The following CEP350 variants were observed in gnomAD, a reference collection of about 807,000 sequenced individuals.
CEP350 encodes centrosome-associated protein 350.
In CEP350, 126 loss-of-function variants were observed where a neutral mutation model predicts 331.8. The observed-to-expected ratio is 0.38, with a 90% CI of 0.33 to 0.44. CEP350 has a LOEUF of 0.44. CEP350 is among the 20% of genes least tolerant of loss of function. The pLI, the probability that CEP350 is intolerant of heterozygous loss-of-function variation, is 1.00. For synonymous variants in CEP350, 1,200 were observed against 1,259.5 expected, an observed-to-expected ratio of 0.95 and a Z score of 1.00; for missense variants, 3,406 against 3,634.6, an observed-to-expected ratio of 0.94 and a Z score of 1.62.
rs570377261 is a variant in CEP350, at chr1:180,051,735, G to A, written c.4793-1235G>A. ...GCATAACAACATTGAAGGGGTTGGG[G>A]GAAAGAGCTGATCTAAGTAAGTAAC... On this transcript the variant is annotated intron_variant, in intron 22 of 37. Transcript: ENST00000367607. Among the ~76,000 whole-genome samples, 45 of 152,276 alleles carry A rather than the reference G, an allele frequency of 3.0e-4. No individual in the cohort carries two copies. The South Asian group carries it at 8.7e-3, about 30-fold the overall frequency.
intron 37 of CEP350, among the ~76,000 whole-genome samples, chr1:180,102,771 A>T (rs1373586722): frequency 6.6e-6 from 1 of 152,116 alleles, no homozygotes; most frequent in Non-Finnish European, 1.5e-5. Flanking sequence ...TTCAGCTCTT[A>T]CTTTTGAGTT....
intron 21 of CEP350, among the ~76,000 whole-genome samples, chr1:180,047,440 T>C (rs1201496979): frequency 6.6e-6 from 1 of 152,040 alleles, no homozygotes; most frequent in African/African-American, 2.4e-5. Context: ...TGGTTAAGAT[T>C]GCCCAAGGAG....
At chr1:180,027,791 C>G (rs1558111341) in intron 14 of CEP350, among the ~76,000 whole-genome samples, 1 of 152,088 alleles carries the variant, frequency 6.6e-6, no homozygotes. Flanking sequence ...CATTGAATAT[C>G]CTTGTAAATA....
At chr1:179,993,056 C>G (rs903858357) in intron 5 of CEP350, among the ~76,000 whole-genome samples, 1 of 150,702 alleles carries the variant, frequency 6.6e-6, no homozygotes, top group Non-Finnish European at 1.5e-5. Context: ...GCATTTGATG[C>G]AATTTTGAAT....
intron 1 of CEP350, among the ~76,000 whole-genome samples, chr1:179,984,247 A>G (rs1377916811): frequency 6.6e-6 from 1 of 152,192 alleles, no homozygotes; most frequent in Non-Finnish European, 1.5e-5. Context: ...TCCCACCCCA[A>G]TTTAAGCATT....
Position 180,043,135 on chromosome 1 carries a change from A to G in CEP350, c.4442A>G (p.Gln1481Arg). 2 of 1,613,908 alleles carry G rather than the reference A, an allele frequency of 1.2e-6. No individual in the cohort carries two copies. The highest frequency in any genetic ancestry group is 1.7e-6 in the Non-Finnish European group (2 of 1,179,828). The change falls in exon 20 of 38, where the codon CAA becomes CGA. Residue 1481 changes from glutamine (Q) to arginine (R), a missense_variant. This residue lies in a region of CEP350 where 1,857 missense variants were observed against 1,909.2 expected (regional missense o/e 0.97). Transcript: ENST00000367607. ...GAPLAILYDHQRQHLPDFVKQ... is the reference protein window; with the variant it reads ...GAPLAILYDHRRQHLPDFVKQ... ...CCCCTTGCAATACTGTATGACCACCAACGGCAGCACCTTCCAGACTTTGTG... is the reference window on the plus strand; with the variant it reads ...CCCCTTGCAATACTGTATGACCACCGACGGCAGCACCTTCCAGACTTTGTG...
chr1:180,089,497 C>T (rs911083333), intron 32 of CEP350, among the ~76,000 whole-genome samples: 5 of 151,254 alleles, frequency 3.3e-5, no homozygotes, highest in South Asian at 2.1e-4. Flanking sequence ...GCAGGAGCAT[C>T]GCTTGAACCC....
At chr1:180,090,924 T>C (rs1660157285) in intron 33 of CEP350, 128 bp downstream of exon 33, 1 of 758,080 alleles carries the variant, frequency 1.3e-6, no homozygotes, top group Non-Finnish European at 1.9e-6. Context: ...TATTTAACAT[T>C]TTAAAGTTAC....
At chr1:180,107,698 C>T (rs1333870993) in intron 37 of CEP350, among the ~76,000 whole-genome samples, 1 of 152,080 alleles carries the variant, frequency 6.6e-6, no homozygotes. Flanking sequence ...TAACCTGTCT[C>T]TTTTTTCCCA....
At chr1:179,993,483 C>T (rs1042699519) in intron 5 of CEP350, among the ~76,000 whole-genome samples, 4 of 152,116 alleles carry the variant, frequency 2.6e-5, no homozygotes, top group African/African-American at 7.2e-5. Flanking sequence ...AGTGCAGTGG[C>T]ATAATCATGG....
chr1:180,027,894 A>T (rs1453103358), intron 14 of CEP350, among the ~76,000 whole-genome samples: 1 of 152,208 alleles, frequency 6.6e-6, no homozygotes, highest in African/African-American at 2.4e-5. Flanking sequence ...AAAATGTGGT[A>T]CATTTTGTCA....
At chr1:179,977,909 TTA>T (rs1022368409) in intron 1 of CEP350, among the ~76,000 whole-genome samples, 28 of 151,240 alleles carry the variant, frequency 1.9e-4, no homozygotes, top group Non-Finnish European at 2.9e-4. Context: ...ATTTAAATTT[TTA>T]TGTTTTTACT....
rs535267992 is a variant in CEP350 at position 180,069,184 on chromosome 1, A to G, written c.5567+3912A>G. 3.3e-5 allele frequency among the ~76,000 whole-genome samples: 5 copies of G among 152,346 alleles called. No individual in the cohort carries two copies. In the East Asian group the frequency reaches 9.6e-4, roughly 29 times the overall value. ...ATAGAAAGATGAAGCCTTTAGTCAC[A>G]AAACATTTTAAATACTCCTTTTACA... On this transcript the variant is annotated intron_variant, in intron 27 of 37. Coordinates refer to ENST00000367607, the MANE Select transcript of CEP350 (RefSeq NM_014810.5).
intron 37 of CEP350, among the ~76,000 whole-genome samples, chr1:180,104,176 G>T (rs1486068191): frequency 6.7e-6 from 1 of 150,336 alleles, no homozygotes; most frequent in Non-Finnish European, 1.5e-5. Context: ...ATTTCTGCTG[G>T]AACTGATTCT....
At chr1:179,984,417 A>G (rs953112691) in intron 1 of CEP350, among the ~76,000 whole-genome samples, 5 of 152,320 alleles carry the variant, frequency 3.3e-5, no homozygotes, top group East Asian at 1.9e-4. Context: ...TGGAGGATCT[A>G]CTTGCAAGGG....
chr1:180,016,479 T>C (rs1273161988), intron 11 of CEP350, among the ~76,000 whole-genome samples: 1 of 152,150 alleles, frequency 6.6e-6, no homozygotes, highest in Non-Finnish European at 1.5e-5. Flanking sequence ...TTTTTTGCTG[T>C]AATATATTGT....
chr1:180,110,736 C>T (rs182716653), intron 37 of CEP350, among the ~76,000 whole-genome samples: 7 of 152,282 alleles, frequency 4.6e-5, no homozygotes, highest in Admixed American at 3.3e-4. Flanking sequence ...ACATTGACAA[C>T]ATACTGGTAA....
chr1:180,072,032 C>T (rs1478707628), intron 27 of CEP350, among the ~76,000 whole-genome samples: 2 of 152,016 alleles, frequency 1.3e-5, no homozygotes, highest in Non-Finnish European at 2.9e-5. Flanking sequence ...ATTATTAATT[C>T]TATTGTGAAG....
rs769911811 is a variant in CEP350, at chr1:180,014,161, A to G, written c.1708A>G (p.Lys570Glu). ...VHAPRSHSPV[K>E]RKPDKITANE... ...TGCTCCTAGGAGTCACAGCCCAGTA[A>G]AAAGAAAACCTGACAAAATAACAGC... The change falls in exon 10 of 38, where the codon AAA (lysine) becomes GAA (glutamate). Residue 570 changes from lysine to glutamate, a missense_variant. By Grantham distance (56) the Lys-to-Glu change is moderately conservative. Around this residue, in one of 5 missense-constraint regions of CEP350, gnomAD observed 1,857 missense variants for 1,909.2 expected, o/e 0.97. Coordinates refer to ENST00000367607, the MANE Select transcript of CEP350 (RefSeq NM_014810.5). The G allele has an allele frequency of 1.2e-6, 2 of 1,608,720 alleles. No homozygotes were observed. Among genetic ancestry groups the G allele is most frequent in the East Asian group, 2.2e-5 (1 of 44,820 alleles).
Sources: allele counts gnomAD v4.1 joint callset (sites outside exome capture counted in the v4.1 genomes callset), GRCh38; gene constraint gnomAD v4.1.1; regional missense constraint gnomAD v4.1.1; transcripts MANE v1.5; gene names NCBI Gene and HGNC (gene_info 2026-07-23, HGNC 2026-07-21).